WDR27: variants seen among roughly 807,000 people sequenced by gnomAD.
The protein encoded by WDR27 is WD repeat domain 27, also known as WD repeat-containing protein 27.
In WDR27, 100 loss-of-function variants were observed where a neutral mutation model predicts 114.4. The ratio of observed to expected loss-of-function variants is 0.87; its 90% CI spans 0.74 to 1.03. WDR27 has a LOEUF of 1.03. Ranked by LOEUF, WDR27 falls within the 50% of genes least tolerant of loss-of-function variation. The pLI is 0.00. For missense variants in WDR27, 1,129 were observed against 1,092.9 expected (o/e 1.03, Z -0.47); for synonymous variants, 449 against 423.1 (o/e 1.06, Z -0.75).
chr6:169,457,388 T>G lies in WDR27; in HGVS notation c.*204A>C. 2.2e-6 allele frequency: 1 copy of G among 455,734 alleles called. No homozygotes were observed. The highest frequency in any genetic ancestry group is 4.0e-6 in the Non-Finnish European group (1 of 251,718). The allele number at this position is 455,734 out of a possible 1,614,324, so 28.2% of individuals were successfully genotyped here. On this transcript the variant is annotated 3_prime_UTR_variant, in exon 26 of 26. Transcript: ENST00000448612. ...CCATTTTCCCAATGAAGGGGATCCC[T>G]TTTGAGGAGCAGAAAGACATAAAAC...
intron 10 of WDR27, 23 bp downstream of exon 10, chr6:169,660,640 G>A (rs767125189): frequency 6.3e-7 from 1 of 1,583,004 alleles, no homozygotes; most frequent in South Asian, 1.1e-5. Flanking sequence ...ACAGTTACAT[G>A]GCGTTGAAAT....
chr6:169,690,788 G>C (rs1373899064), intron 1 of WDR27, among the ~76,000 whole-genome samples: 3 of 152,208 alleles, frequency 2.0e-5, no homozygotes, highest in Non-Finnish European at 4.4e-5. Context: ...CCAGTGCAAG[G>C]TGTGACCGTT....
At chr6:169,501,391 G>A (rs2867165) in intron 25 of WDR27, among the ~76,000 whole-genome samples, 6,535 of 152,312 alleles carry the variant, frequency 0.043, 406 homozygotes, top group African/African-American at 0.13. Context: ...GAGTCACGCG[G>A]CTTTAAGGCA....
intron 25 of WDR27, among the ~76,000 whole-genome samples, chr6:169,564,084 A>T (rs79795103): frequency 0.016 from 2,464 of 152,322 alleles, 62 homozygotes; most frequent in African/African-American, 0.057. Context: ...AAAAGTAGGG[A>T]AGCAAACAAT....
rs59884264 is a variant in WDR27, at chr6:169,605,108, C to CAAAA, written c.2322-2791_2322-2788dup. Among the ~76,000 whole-genome samples, 358 of 76,190 alleles carry CAAAA rather than the reference C, an allele frequency of 4.7e-3. 15 individuals are homozygous for CAAAA. Among genetic ancestry groups the CAAAA allele is most frequent in the African/African-American group, 0.019 (321 of 16,960 alleles). 50.0% of individuals were successfully genotyped at this position (76,190 alleles called of 152,430 possible). ...AGAAGTCCTAGCCAGAGCAATTAGG[C>CAAAA]AAAAAAAAAAAAAAAAGTTTTTTTT... On this transcript the variant is annotated intron_variant, in intron 22 of 25. Coordinates refer to ENST00000448612, the MANE Select transcript of WDR27 (RefSeq NM_182552.5).
chr6:169,652,438 G>T (rs182152255), intron 13 of WDR27, among the ~76,000 whole-genome samples: 1 of 152,190 alleles, frequency 6.6e-6, no homozygotes, highest in African/African-American at 2.4e-5. Context: ...TAATAGAGAG[G>T]GGGTTTCACC....
At chr6:169,464,611 T>A (rs1018435468) in intron 25 of WDR27, among the ~76,000 whole-genome samples, 1 of 152,196 alleles carries the variant, frequency 6.6e-6, no homozygotes, top group African/African-American at 2.4e-5. Context: ...AGAAAATATT[T>A]GCAAATCATC....
the WDR27 span, among the ~76,000 whole-genome samples, chr6:169,445,443 C>T: frequency 6.6e-6 from 1 of 152,132 alleles, no homozygotes; most frequent in Non-Finnish European, 1.5e-5. Context: ...GCTGTAAATG[C>T]CACCCTCTGC....
chr6:169,676,348 C>T (rs952146489), intron 2 of WDR27, among the ~76,000 whole-genome samples: 12 of 152,214 alleles, frequency 7.9e-5, no homozygotes, highest in African/African-American at 2.9e-4. Context: ...TTTATTTAAC[C>T]CTATATAACG....
At chr6:169,700,342 G>A (rs1392329697) in intron 1 of WDR27, among the ~76,000 whole-genome samples, 2 of 152,192 alleles carry the variant, frequency 1.3e-5, no homozygotes, top group Non-Finnish European at 2.9e-5. Context: ...TTCTCCATGT[G>A]GGATCAAGAG....
At chr6:169,577,086 G>GAAAAA (rs111868145) in intron 24 of WDR27, among the ~76,000 whole-genome samples, 75 of 144,532 alleles carry the variant, frequency 5.2e-4, no homozygotes, top group Non-Finnish European at 7.6e-4. Flanking sequence ...AAAAGAAAAG[G>GAAAAA]AAAAAAAAAA....
At chr6:169,686,207 G>A (rs1242739444) in intron 2 of WDR27, among the ~76,000 whole-genome samples, 9 of 152,118 alleles carry the variant, frequency 5.9e-5, no homozygotes, top group Admixed American at 3.3e-4. Context: ...TCTTTTATCC[G>A]GAAGGAGAAG....
chr6:169,432,455 T>G, the WDR27 span, among the ~76,000 whole-genome samples: 2 of 152,178 alleles, frequency 1.3e-5, no homozygotes, highest in Non-Finnish European at 2.9e-5. Context: ...ATGTTGTAGG[T>G]GGGACCTAGT....
intron 2 of WDR27, among the ~76,000 whole-genome samples, chr6:169,687,222 T>C (rs1347399132): frequency 1.3e-5 from 2 of 152,174 alleles, no homozygotes; most frequent in Non-Finnish European, 2.9e-5. Flanking sequence ...ACACATTGTA[T>C]ACTTGTATCA....
intron 25 of WDR27, among the ~76,000 whole-genome samples, chr6:169,532,563 T>C (rs1355642000): frequency 6.6e-6 from 1 of 152,206 alleles, no homozygotes. Flanking sequence ...ACATTGCCAG[T>C]CTTTTAGCAG....
In WDR27 at chr6:169,659,483, A is replaced by G; in HGVS notation, c.1165T>C (p.Cys389Arg). The change falls in exon 11 of 26, where the codon TGT becomes CGT. Residue 389 changes from cysteine (C) to arginine (R), a missense_variant. Cys to Arg is a radical substitution (Grantham distance 180). Coordinates refer to ENST00000448612, the MANE Select transcript of WDR27 (RefSeq NM_182552.5). The surrounding 1 kb of genome is among the most constrained non-coding windows in gnomAD (Gnocchi z 4.3). Reference sequence around the variant, plus strand: ...TCCGCAGTGCGGTTCCTCAGGGCACACGATCCGGCCAGCAGGATGCTGAGG... The same window carrying G: ...TCCGCAGTGCGGTTCCTCAGGGCACGCGATCCGGCCAGCAGGATGCTGAGG... ...QSLSILLAGS[C>R]ALRNRTADQK... 1 of 1,610,518 alleles carries G rather than the reference A, an allele frequency of 6.2e-7. No homozygotes were observed. The highest frequency in any genetic ancestry group is 2.2e-5 in the East Asian group (1 of 44,740).
intron 25 of WDR27, among the ~76,000 whole-genome samples, chr6:169,467,407 C>T (rs1334741106): frequency 6.6e-6 from 1 of 152,216 alleles, no homozygotes; most frequent in East Asian, 1.9e-4. Context: ...GAGGGCCCCA[C>T]TCCTGCAGCA....
intron 19 of WDR27, among the ~76,000 whole-genome samples, chr6:169,634,898 C>T (rs1030787093): frequency 1.3e-5 from 2 of 152,128 alleles, no homozygotes; most frequent in African/African-American, 2.4e-5. Flanking sequence ...CACTGCCTCC[C>T]GAAACCCAAC....
the WDR27 span, among the ~76,000 whole-genome samples, chr6:169,441,616 A>T: frequency 6.6e-6 from 1 of 152,286 alleles, no homozygotes; most frequent in Admixed American, 6.5e-5. Flanking sequence ...TACGCAGGAG[A>T]TGCTGAAACA....
Sources: allele counts gnomAD v4.1 joint callset (sites outside exome capture counted in the v4.1 genomes callset), GRCh38; gene constraint gnomAD v4.1.1; non-coding constraint Gnocchi (gnomAD v3.1); transcripts MANE v1.5; gene names NCBI Gene and HGNC (gene_info 2026-07-23, HGNC 2026-07-21).